LEPR: variants seen among roughly 807,000 people sequenced by gnomAD.
The protein encoded by LEPR is leptin receptor, also known as OB receptor.
LEPR carries 56 observed loss-of-function variants against 114.7 expected under a neutral mutation model. That is an observed-to-expected ratio of 0.49 (90% CI 0.39 to 0.61). LEPR has a LOEUF of 0.61. LEPR is among the 20% of genes least tolerant of loss of function. The pLI, the probability that LEPR is intolerant of heterozygous loss-of-function variation, is 0.00. For synonymous variants in LEPR, 443 were observed against 461.4 expected, an observed-to-expected ratio of 0.96 and a Z score of 0.51; for missense variants, 1,202 against 1,352.9, an observed-to-expected ratio of 0.89 and a Z score of 1.75.
intron 1 of LEPR, chr1:65,421,431 AGGTTTTTT>A (rs1646248379): frequency 1.0e-5 from 16 of 1,536,106 alleles, no homozygotes; most frequent in Non-Finnish European, 1.3e-5. Flanking sequence ...GAGACGGAAA[AGGTTTTTT>A]GCAAGGCTTC....
intron 2 of LEPR, among the ~76,000 whole-genome samples, chr1:65,518,151 C>A (rs1649384541): frequency 6.6e-6 from 1 of 152,070 alleles, no homozygotes; most frequent in African/African-American, 2.4e-5. Context: ...TTTTATCAGG[C>A]TGTTTCTTGT....
In LEPR at chr1:65,633,253, A is replaced by G. The variant is rs1281340856; in HGVS notation, c.2674-2938A>G. The G allele has an allele frequency of 6.4e-7, 1 of 1,571,458 alleles. No individual in the cohort carries two copies. The highest frequency in any genetic ancestry group is 2.3e-5 in the East Asian group (1 of 44,256). ...AGTATTAGAAGATTTTTACATTTTGAAGAAGGGGAGCAAATCTAAAAAAAA... is the reference window on the plus strand; with the variant it reads ...AGTATTAGAAGATTTTTACATTTTGGAGAAGGGGAGCAAATCTAAAAAAAA... On this transcript the variant is annotated intron_variant, in intron 19 of 19. Coordinates refer to ENST00000349533, the MANE Select transcript of LEPR (RefSeq NM_002303.6). The surrounding 1 kb of genome is among the most constrained non-coding windows in gnomAD (Gnocchi z 4.1).
At chr1:65,593,255 A>G (rs1400063047) in intron 6 of LEPR, among the ~76,000 whole-genome samples, 2 of 152,110 alleles carry the variant, frequency 1.3e-5, no homozygotes, top group Non-Finnish European at 2.9e-5. Flanking sequence ...AGGAGCTGGA[A>G]AAAGAGTGGG....
intron 2 of LEPR, among the ~76,000 whole-genome samples, chr1:65,473,133 G>T (rs567264151): frequency 1.4e-4 from 22 of 152,284 alleles, no homozygotes; most frequent in African/African-American, 5.3e-4. Context: ...CCCTGTGCCA[G>T]GGTCTGTGCC....
chr1:65,614,706 G>T (rs544577928), intron 14 of LEPR, among the ~76,000 whole-genome samples: 3 of 152,248 alleles, frequency 2.0e-5, no homozygotes, highest in South Asian at 2.1e-4. Context: ...TAGAGTTGGG[G>T]ATATAGGTAT....
chr1:65,608,805 A>C lies in LEPR; in HGVS notation c.1656A>C (p.Gly552=). The C allele has an allele frequency of 6.2e-7, 1 of 1,613,794 alleles. No homozygotes were observed. Among genetic ancestry groups the C allele is most frequent in the Middle Eastern group, 1.7e-4 (1 of 6,054 alleles). Residue 552 remains glycine, a synonymous_variant, in exon 12 of 20, where the codon GGA becomes GGC. Transcript: ENST00000349533. The part of the protein sequence containing the change: ...SVKAEITINI[G]LLKISWEKPV... ...AAGCAGAAATTACTATAAACATTGGATTATTGAAAATATCTTGGGAAAAGC... is the reference window on the plus strand; with the variant it reads ...AAGCAGAAATTACTATAAACATTGGCTTATTGAAAATATCTTGGGAAAAGC...
At chr1:65,542,502 T>C (rs1379849919) in intron 2 of LEPR, among the ~76,000 whole-genome samples, 2 of 151,920 alleles carry the variant, frequency 1.3e-5, no homozygotes, top group African/African-American at 4.8e-5. Context: ...CTGTGATACA[T>C]GTGCAGAATG....
At position 65,535,704 on chromosome 1, in the gene LEPR, A is replaced by G. The variant is rs151255493; in HGVS notation, c.-20-29842A>G. 2.2e-3 allele frequency among the ~76,000 whole-genome samples: 338 copies of G among 152,196 alleles called. 2 individuals carry two copies. Among genetic ancestry groups the G allele is most frequent in the African/African-American group, 7.8e-3 (323 of 41,550 alleles). On this transcript the variant is annotated intron_variant, in intron 2 of 19. Coordinates refer to ENST00000349533, the MANE Select transcript of LEPR (RefSeq NM_002303.6). The stretch of plus-strand genomic sequence containing the variant: ...CAGGATGCAAAGAAACAATCTATAA[A>G]AACAGTAATTTAGGTAAGTGGCTTC...
intron 2 of LEPR, among the ~76,000 whole-genome samples, chr1:65,476,484 G>A (rs1647161628): frequency 1.3e-5 from 2 of 152,102 alleles, no homozygotes; most frequent in Non-Finnish European, 1.5e-5. Flanking sequence ...GAATGAAAGG[G>A]AGACTTCCCT....
chr1:65,577,354 A>C (rs1654664332), intron 5 of LEPR: 1 of 153,090 alleles, frequency 6.5e-6, no homozygotes, highest in Non-Finnish European at 1.5e-5. Flanking sequence ...CAAGTCATCA[A>C]GGTCGCTAAC....
At chr1:65,635,647 C>G (rs768891251) in intron 19 of LEPR, among the ~76,000 whole-genome samples, 1 of 152,084 alleles carries the variant, frequency 6.6e-6, no homozygotes, top group African/African-American at 2.4e-5. Context: ...ATTTTACTTT[C>G]ATACCATATC....
chr1:65,503,330 C>A (rs1648557354), intron 2 of LEPR, among the ~76,000 whole-genome samples: 1 of 152,078 alleles, frequency 6.6e-6, no homozygotes, highest in African/African-American at 2.4e-5. Flanking sequence ...TTTCTGAGGT[C>A]AGAGGGTCAC....
At chr1:65,509,123 T>C (rs1170584460) in intron 2 of LEPR, among the ~76,000 whole-genome samples, 4 of 152,172 alleles carry the variant, frequency 2.6e-5, no homozygotes, top group Admixed American at 2.6e-4. Flanking sequence ...TAAGAGCATG[T>C]CATCAGCAAA....
At chr1:65,460,480 A>G (rs932049201) in intron 2 of LEPR, among the ~76,000 whole-genome samples, 1 of 152,198 alleles carries the variant, frequency 6.6e-6, no homozygotes, top group Non-Finnish European at 1.5e-5. Flanking sequence ...CTGTGTGTGC[A>G]TAGATACAGA....
intron 14 of LEPR, 67 bp from the exon 15 acceptor site, chr1:65,615,941 A>G (rs1657498543): frequency 8.8e-6 from 14 of 1,591,678 alleles, no homozygotes; most frequent in African/African-American, 1.3e-5. Flanking sequence ...AATGAGAGTT[A>G]TGTGAGCTCA....
Position 65,637,268 on chromosome 1 carries a change from T to C in LEPR, c.*253T>C, listed in dbSNP as rs974905014. The C allele has an allele frequency of 2.7e-6, 1 of 376,758 alleles. No homozygotes were observed. The highest frequency in any genetic ancestry group is 2.0e-5 in the African/African-American group (1 of 48,948). The allele number at this position is 376,758 out of a possible 1,614,324, so 23.3% of individuals were successfully genotyped here. On this transcript the variant is annotated 3_prime_UTR_variant, in exon 20 of 20. Transcript: ENST00000349533. The stretch of plus-strand genomic sequence containing the variant: ...AGTGGGAAGGTCCCTTGTTTCCAGC[T>C]AGAAATAAGCCCAACAGACACCATC...
chr1:65,633,296 G>C lies in LEPR; in HGVS notation c.2674-2895G>C, dbSNP rs944265492. 1 of 1,509,684 alleles carries C rather than the reference G, an allele frequency of 6.6e-7. No individual in the cohort carries two copies. Among genetic ancestry groups the C allele is most frequent in the East Asian group, 2.4e-5 (1 of 41,738 alleles). The allele number at this position is 1,509,684 out of a possible 1,614,324, so 93.5% of individuals were successfully genotyped here. On this transcript the variant is annotated intron_variant, in intron 19 of 19. Transcript: ENST00000349533. The surrounding 1 kb of genome is among the most constrained non-coding windows in gnomAD (Gnocchi z 4.1). ...AAAAAAAATTCAGTTGAACTTCTGA[G>C]AGTTAACATATGGTGGATTATGTTG... is the stretch of plus-strand genomic sequence containing the variant.
chr1:65,472,720 A>G (rs572214003), intron 2 of LEPR, among the ~76,000 whole-genome samples: 78 of 152,196 alleles, frequency 5.1e-4, no homozygotes, highest in Non-Finnish European at 9.9e-4. Flanking sequence ...AACTACATGA[A>G]GAGTGTGCAC....
At position 65,501,216 on chromosome 1, in the gene LEPR, T is replaced by C. The variant is rs149629332; in HGVS notation, c.-20-64330T>C. On this transcript the variant is annotated intron_variant, in intron 2 of 19. Coordinates refer to ENST00000349533, the MANE Select transcript of LEPR (RefSeq NM_002303.6). ...ACAAACTGGGTGGCTTAAAACAACA[T>C]GAATTTATTATCTCAGAATTCTGGA... is the stretch of plus-strand genomic sequence containing the variant. Among the ~76,000 whole-genome samples, 728 of 152,026 alleles carry C rather than the reference T, an allele frequency of 4.8e-3. 6 individuals are homozygous for C. The highest frequency in any genetic ancestry group is 0.017 in the African/African-American group (700 of 41,500).
Sources: gnomAD v4.1 joint callset for allele counts (sites outside exome capture counted in the v4.1 genomes callset) on GRCh38, gnomAD v4.1.1 for gene constraint, Gnocchi (gnomAD v3.1) non-coding constraint, MANE v1.5 for transcripts, NCBI Gene and HGNC (gene_info 2026-07-23, HGNC 2026-07-21) for gene names.